ATP13A3: variants seen among roughly 807,000 people sequenced by gnomAD.
ATP13A3 encodes the protein ATPase 13A3.
A neutral mutation model predicts 158.1 loss-of-function variants in ATP13A3; 59 were observed. The ratio of observed to expected loss-of-function variants is 0.37; its 90% CI spans 0.30 to 0.46. The LOEUF (loss-of-function observed/expected upper bound fraction) is 0.46, where lower values mean the gene tolerates loss of function less well. Among genes scored for constraint, ATP13A3 ranks in the 20% least tolerant of loss-of-function variants. ATP13A3 has a pLI of 1.00. For synonymous variants in ATP13A3, 491 were observed against 504.3 expected (o/e 0.97, Z 0.35); for missense variants, 1,166 against 1,525.2 (o/e 0.76, Z 3.92).
intron 21 of ATP13A3, among the ~76,000 whole-genome samples, chr3:194,432,852 C>A (rs1178011255): frequency 6.6e-6 from 1 of 151,966 alleles, no homozygotes; most frequent in Non-Finnish European, 1.5e-5. Context: ...ACCACAATTT[C>A]ACACAGCTAA....
At chr3:194,459,740 T>C (rs1381655015) in intron 5 of ATP13A3, 49 bp downstream of exon 5, 1 of 1,547,902 alleles carries the variant, frequency 6.5e-7, no homozygotes, top group South Asian at 1.2e-5. Flanking sequence ...TAGCATAAAA[T>C]GTAACAATTC....
Position 194,403,140 on chromosome 3 carries a change from A to G in ATP13A3, c.*2779T>C, listed in dbSNP as rs1714723176. On this transcript the variant is annotated 3_prime_UTR_variant, in exon 34 of 34. Coordinates refer to ENST00000645319, the MANE Select transcript of ATP13A3 (RefSeq NM_001367549.1). ...AATGTTATCTATAGCTGTTTCTGTAACAGACTACATAAACATTGATATATT... is the reference window on the plus strand; with the variant it reads ...AATGTTATCTATAGCTGTTTCTGTAGCAGACTACATAAACATTGATATATT... 6.6e-6 allele frequency: 1 copy of G among 152,240 alleles called. No homozygotes were observed. The highest frequency in any genetic ancestry group is 2.4e-5 in the African/African-American group (1 of 41,466). The allele number at this position is 152,240 out of a possible 1,614,324, so 9.4% of individuals were successfully genotyped here. A position where few individuals can be genotyped will look rare whatever the true frequency, so the allele number is the denominator to read the frequency against.
At position 194,402,780 on chromosome 3, in the gene ATP13A3, C is replaced by T. The variant is rs977575433; in HGVS notation, c.*3139G>A. 2.0e-5 allele frequency: 3 copies of T among 151,942 alleles called. No homozygotes were observed. Among genetic ancestry groups the T allele is most frequent in the African/African-American group, 7.3e-5 (3 of 41,360 alleles). The allele number at this position is 151,942 out of a possible 1,614,324, so 9.4% of individuals were successfully genotyped here. On this transcript the variant is annotated 3_prime_UTR_variant, in exon 34 of 34. Transcript: ENST00000645319. ...CAATTATGAATGTATGCCTTTTTGA[C>T]AAGAGGGTACCATTCTTGAGCAGCA...
At chr3:194,493,745 A>C (rs1721172090) in intron 2 of ATP13A3, among the ~76,000 whole-genome samples, 2 of 152,090 alleles carry the variant, frequency 1.3e-5, no homozygotes, top group Admixed American at 6.6e-5. Context: ...AGTCTACCTT[A>C]TTCATGTTTT....
rs757666000 is a variant in ATP13A3, at chr3:194,453,902, G to A, written c.766-124C>T. 3.8e-4 allele frequency: 279 copies of A among 730,782 alleles called. No individual in the cohort carries two copies. In the Middle Eastern group the frequency reaches 7.4e-3, roughly 19 times the overall value. 45.3% of individuals were successfully genotyped at this position (730,782 alleles called of 1,614,324 possible). Reference sequence around the variant, plus strand: ...TATCACTCCATCTTTATAAAATGTCGAGTCAGAAATTCAGAGTATTCATTG... The same window carrying A: ...TATCACTCCATCTTTATAAAATGTCAAGTCAGAAATTCAGAGTATTCATTG... On this transcript the variant is annotated intron_variant, in intron 9 of 33. Coordinates refer to ENST00000645319, the MANE Select transcript of ATP13A3 (RefSeq NM_001367549.1).
chr3:194,417,893 C>T (rs531719735), intron 31 of ATP13A3, among the ~76,000 whole-genome samples: 4 of 150,594 alleles, frequency 2.7e-5, no homozygotes, highest in East Asian at 2.0e-4. Context: ...CCCAGGAGGT[C>T]GAGGCCACAG....
chr3:194,471,198 T>C (rs1042188812), intron 2 of ATP13A3, among the ~76,000 whole-genome samples: 3 of 151,816 alleles, frequency 2.0e-5, no homozygotes, highest in Admixed American at 1.3e-4. Context: ...CAAGAGAAAG[T>C]TGTCATTCTG....
chr3:194,413,971 C>T (rs887278705), intron 31 of ATP13A3, 132 bp from the exon 32 acceptor site: 1 of 739,018 alleles, frequency 1.4e-6, no homozygotes, highest in African/African-American at 1.7e-5. Flanking sequence ...CTACTTAATC[C>T]TCAACAATGC....
chr3:194,459,577 TA>T, intron 5 of ATP13A3, 36 bp from the exon 6 acceptor site: 1 of 1,511,922 alleles, frequency 6.6e-7, no homozygotes, highest in Non-Finnish European at 9.2e-7. Flanking sequence ...CCAAAAAGCA[TA>T]TAATCACTTG....
At chr3:194,472,557 T>G (rs1050344472) in intron 2 of ATP13A3, among the ~76,000 whole-genome samples, 6 of 152,216 alleles carry the variant, frequency 3.9e-5, no homozygotes, top group African/African-American at 1.2e-4. Context: ...GCTGCAGTTA[T>G]CTGAAGTGAT....
chr3:194,482,461 A>C (rs1720789572), intron 2 of ATP13A3, among the ~76,000 whole-genome samples: 1 of 152,162 alleles, frequency 6.6e-6, no homozygotes, highest in Non-Finnish European at 1.5e-5. Flanking sequence ...TTAACTGTGG[A>C]CCTTCTTCTA....
intron 31 of ATP13A3, among the ~76,000 whole-genome samples, chr3:194,419,405 T>C (rs936051898): frequency 6.6e-6 from 1 of 152,200 alleles, no homozygotes; most frequent in African/African-American, 2.4e-5. Context: ...GGTTGGATGA[T>C]ACACTCAGGG....
chr3:194,452,259 G>A (rs1452748950), intron 10 of ATP13A3: 1 of 152,314 alleles, frequency 6.6e-6, no homozygotes, highest in Non-Finnish European at 1.5e-5. Context: ...GGAAGGCCAA[G>A]GCGGGTGGAT....
rs765730122 is a variant in ATP13A3 at position 194,448,002 on chromosome 3, A to G, written c.1158T>C (p.Ser386=). 2 of 1,597,366 alleles carry G rather than the reference A, an allele frequency of 1.3e-6. No homozygotes were observed. The highest frequency in any genetic ancestry group is 1.7e-6 in the Non-Finnish European group (2 of 1,170,208). ...AACGAACAAGCTGTCCTTTGGAAGT[A>G]CTAAATCCTTTCAAAAAAAGAAGAC... ...VKAIVVRTGF[S]TSKGQLVRSI... The change falls in exon 13 of 34, where the codon AGT becomes AGC. Residue 386 remains serine (S), a synonymous_variant. Transcript: ENST00000645319. The surrounding 1 kb of genome is among the most constrained non-coding windows in gnomAD (Gnocchi z 4.0).
chr3:194,414,305 A>C (rs1187919237), intron 31 of ATP13A3, among the ~76,000 whole-genome samples: 5 of 152,126 alleles, frequency 3.3e-5, no homozygotes, highest in Non-Finnish European at 5.9e-5. Flanking sequence ...TCTACTAAAA[A>C]TACAAAAATT....
intron 2 of ATP13A3, among the ~76,000 whole-genome samples, chr3:194,480,461 G>A (rs943507470): frequency 2.0e-5 from 3 of 151,540 alleles, no homozygotes; most frequent in African/African-American, 4.9e-5. Context: ...AATTTACATC[G>A]CTCTTTTAAA....
intron 10 of ATP13A3, chr3:194,451,872 A>G (rs911384374): frequency 9.8e-5 from 15 of 152,478 alleles, no homozygotes; most frequent in African/African-American, 3.6e-4. Context: ...CTCATATCCA[A>G]TGAGTCAAAT....
At chr3:194,428,136 G>A (rs1051772225) in intron 28 of ATP13A3, among the ~76,000 whole-genome samples, 6 of 150,546 alleles carry the variant, frequency 4.0e-5, no homozygotes, top group Non-Finnish European at 4.4e-5. Flanking sequence ...CAGGAGAATC[G>A]CTTGAACTCG....
chr3:194,474,770 A>G (rs529803916), intron 2 of ATP13A3, among the ~76,000 whole-genome samples: 16 of 152,312 alleles, frequency 1.1e-4, no homozygotes, highest in African/African-American at 3.6e-4. Context: ...TCATTTTACC[A>G]TAGCTAAAAT....
Sources: allele counts gnomAD v4.1 joint callset (sites outside exome capture counted in the v4.1 genomes callset), GRCh38; gene constraint gnomAD v4.1.1; non-coding constraint Gnocchi (gnomAD v3.1); transcripts MANE v1.5; gene names NCBI Gene and HGNC (gene_info 2026-07-23, HGNC 2026-07-21).